Variants in NT5DC1 observed in about 807,000 individuals in gnomAD.
NT5DC1 encodes 5'-nucleotidase domain containing 1.
NT5DC1 carries 42 observed loss-of-function variants against 59.4 expected under a neutral mutation model. The observed-to-expected ratio is 0.71, with a 90% CI of 0.55 to 0.92. The LOEUF (loss-of-function observed/expected upper bound fraction) is 0.92. NT5DC1 is among the 40% of genes least tolerant of loss of function. The pLI is 0.00. For missense variants in NT5DC1, 501 were observed against 537.1 expected (o/e 0.93, Z 0.66); for synonymous variants, 172 against 188.1 (o/e 0.91, Z 0.70).
chr6:116,159,260 C>T (rs991342963), intron 6 of NT5DC1, among the ~76,000 whole-genome samples: 5 of 151,962 alleles, frequency 3.3e-5, no homozygotes, highest in African/African-American at 9.7e-5. Context: ...ATTGATTTCA[C>T]CGTATGAGGT....
chr6:116,225,939 G>A lies in NT5DC1; in HGVS notation c.802+2808G>A, dbSNP rs980427152. Among the ~76,000 whole-genome samples the A allele has an allele frequency of 2.0e-5, 3 of 152,092 alleles. No individual in the cohort carries two copies. In the South Asian group the frequency reaches 6.2e-4, roughly 32 times the overall value. On this transcript the variant is annotated intron_variant, in intron 8 of 11. Transcript: ENST00000319550. ...TTTGGTTGTCGCAACTTTGGAGGGG[G>A]GTGGAGGCTGGGTGTGCTGCTAAGC...
intron 6 of NT5DC1, among the ~76,000 whole-genome samples, chr6:116,208,965 G>T (rs1236491754): frequency 2.0e-5 from 3 of 151,850 alleles, no homozygotes; most frequent in African/African-American, 7.3e-5. Flanking sequence ...ATACATAAAG[G>T]TATTTATGTT....
At position 116,163,141 on chromosome 6, in the gene NT5DC1, A is replaced by AAAAAAT. The variant is rs761718922; in HGVS notation, c.529+45197_529+45198insAAAATA. 1.5e-3 allele frequency among the ~76,000 whole-genome samples: 134 copies of AAAAAAT among 88,382 alleles called. 3 individuals are homozygous for AAAAAAT. The highest frequency in any genetic ancestry group is 2.9e-3 in the African/African-American group (50 of 17,336). 58.0% of individuals were successfully genotyped at this position (88,382 alleles called of 152,430 possible). A position where few individuals can be genotyped will look rare whatever the true frequency, so the allele number is the denominator to read the frequency against. Reference sequence around the variant, plus strand: ...GACTCCGTCTCAAAAAAAAAAAAAAAATATATATATATATATATATATTAG... The same window carrying AAAAAAT: ...GACTCCGTCTCAAAAAAAAAAAAAAAAAAAATATATATATATATATATATATATTAG... On this transcript the variant is annotated intron_variant, in intron 6 of 11. Coordinates refer to ENST00000319550, the MANE Select transcript of NT5DC1 (RefSeq NM_152729.3).
intron 6 of NT5DC1, among the ~76,000 whole-genome samples, chr6:116,178,695 C>T (rs946833954): frequency 2.6e-5 from 4 of 152,252 alleles, no homozygotes; most frequent in African/African-American, 7.2e-5. Flanking sequence ...TATTGTACTT[C>T]CAGAAATATA....
chr6:116,243,805 T>A (rs939645926), intron 11 of NT5DC1, 104 bp from the exon 12 acceptor site: 2 of 543,548 alleles, frequency 3.7e-6, no homozygotes, highest in South Asian at 5.8e-5. Flanking sequence ...TATTAAAATT[T>A]TACGTCTAAA....
At chr6:116,183,833 A>G (rs539798926) in intron 6 of NT5DC1, among the ~76,000 whole-genome samples, 1 of 152,056 alleles carries the variant, frequency 6.6e-6, no homozygotes, top group African/African-American at 2.4e-5. Flanking sequence ...GTATATGATC[A>G]TGTCATCAGC....
intron 6 of NT5DC1, among the ~76,000 whole-genome samples, chr6:116,211,557 A>T (rs570267989): frequency 6.6e-6 from 1 of 152,166 alleles, no homozygotes; most frequent in Admixed American, 6.6e-5. Context: ...TTAACCTACA[A>T]ATTAATTTAA....
Position 116,238,271 on chromosome 6 carries a change from G to A in NT5DC1, c.1006G>A (p.Glu336Lys), listed in dbSNP as rs969166916. ...TTGGGAGACAGTCCTCATCCTGGAAGAACTCAGAGGGGATGAAGGCACGAG... is the reference window on the plus strand; with the variant it reads ...TTGGGAGACAGTCCTCATCCTGGAAAAACTCAGAGGGGATGAAGGCACGAG... ...SNWETVLILE[E>K]LRGDEGTRSQ... The change falls in exon 10 of 12, where the codon GAA becomes AAA. Residue 336 changes from glutamate (E) to lysine (K), a missense_variant. Coordinates refer to ENST00000319550, the MANE Select transcript of NT5DC1 (RefSeq NM_152729.3). The A allele has an allele frequency of 3.7e-6, 6 of 1,613,256 alleles. No homozygotes were observed. Among genetic ancestry groups the A allele is most frequent in the Middle Eastern group, 1.7e-4 (1 of 6,036 alleles).
At chr6:116,223,574 G>A (rs55652825) in intron 8 of NT5DC1, among the ~76,000 whole-genome samples, 1,760 of 152,258 alleles carry the variant, frequency 0.012, 34 homozygotes, top group African/African-American at 0.04. Context: ...GGAGAGAGGT[G>A]GAATGAAAGG....
At chr6:116,162,022 A>G (rs1044416437) in intron 6 of NT5DC1, among the ~76,000 whole-genome samples, 14 of 152,048 alleles carry the variant, frequency 9.2e-5, no homozygotes, top group Non-Finnish European at 7.4e-5. Context: ...TAGATAGTCT[A>G]TGTTTTTTTA....
At chr6:116,191,733 A>G (rs770145538) in intron 6 of NT5DC1, among the ~76,000 whole-genome samples, 11 of 152,062 alleles carry the variant, frequency 7.2e-5, no homozygotes, top group Non-Finnish European at 1.0e-4. Flanking sequence ...ATAAGTTTCT[A>G]GGATTACTAT....
chr6:116,104,208 C>T (rs1392014892), intron 1 of NT5DC1, among the ~76,000 whole-genome samples: 2 of 152,132 alleles, frequency 1.3e-5, no homozygotes, highest in African/African-American at 4.8e-5. Flanking sequence ...ACAGATGCCC[C>T]TGCTTTTCTT....
rs138389159 is a variant in NT5DC1 at position 116,186,164 on chromosome 6, A to C, written c.530-34890A>C. On this transcript the variant is annotated intron_variant, in intron 6 of 11. Coordinates refer to ENST00000319550, the MANE Select transcript of NT5DC1 (RefSeq NM_152729.3). The stretch of plus-strand genomic sequence containing the variant: ...ACTGGATACAAAATTCTTATATGAT[A>C]ATTATTTTGTTTAAGGAGAACAAAG... 2.5e-3 allele frequency among the ~76,000 whole-genome samples: 379 copies of C among 152,164 alleles called. 2 individuals are homozygous for C. Among genetic ancestry groups the C allele is most frequent in the African/African-American group, 8.8e-3 (365 of 41,550 alleles).
At chr6:116,168,285 T>C (rs967907267) in intron 6 of NT5DC1, among the ~76,000 whole-genome samples, 2 of 152,060 alleles carry the variant, frequency 1.3e-5, no homozygotes, top group African/African-American at 2.4e-5. Flanking sequence ...TCACCTTCTC[T>C]CTTTTCTTGT....
rs1188599410 is a variant in NT5DC1 at position 116,249,104 on chromosome 6, A to C, written c.*5080A>C. The C allele has an allele frequency of 6.6e-6, 1 of 152,346 alleles. No individual in the cohort carries two copies. Among genetic ancestry groups the C allele is most frequent in the East Asian group, 1.9e-4 (1 of 5,190 alleles). 9.4% of individuals were successfully genotyped at this position (152,346 alleles called of 1,614,324 possible). ...TGCAGAAATCAATCACTGAACTGAA[A>C]AGGTAAAATGAACATTGTTAGAGGA... On this transcript the variant is annotated 3_prime_UTR_variant, in exon 12 of 12. Transcript: ENST00000319550.
At chr6:116,220,477 T>G (rs1391321376) in intron 6 of NT5DC1, among the ~76,000 whole-genome samples, 2 of 152,214 alleles carry the variant, frequency 1.3e-5, no homozygotes, top group Non-Finnish European at 2.9e-5. Flanking sequence ...CAGTGCCTTT[T>G]GGCCTGTTCT....
chr6:116,190,577 A>G (rs558107856), intron 6 of NT5DC1, among the ~76,000 whole-genome samples: 4 of 152,112 alleles, frequency 2.6e-5, no homozygotes, highest in African/African-American at 9.6e-5. Flanking sequence ...ATTGAGAGGG[A>G]AAAGATGACA....
intron 11 of NT5DC1, among the ~76,000 whole-genome samples, chr6:116,242,481 C>T (rs1315300399): frequency 6.9e-6 from 1 of 144,358 alleles, no homozygotes; most frequent in African/African-American, 2.6e-5. Context: ...CTAACAGTAA[C>T]CAAAAAAAAA....
intron 8 of NT5DC1, among the ~76,000 whole-genome samples, chr6:116,225,917 G>A (rs1230119295): frequency 6.6e-6 from 1 of 152,070 alleles, no homozygotes; most frequent in Non-Finnish European, 1.5e-5. Flanking sequence ...AGACGTTTTT[G>A]GTTGTCGCAA....
Sources: allele counts gnomAD v4.1 joint callset (sites outside exome capture counted in the v4.1 genomes callset), GRCh38; gene constraint gnomAD v4.1.1; transcripts MANE v1.5; gene names NCBI Gene and HGNC (gene_info 2026-07-23, HGNC 2026-07-21).